The following DOCK5 variants were observed in gnomAD, a reference collection of about 807,000 sequenced individuals.
The protein encoded by DOCK5 is dedicator of cytokinesis protein 5.
In DOCK5, 142 loss-of-function variants were observed where a neutral mutation model predicts 251.8. The ratio of observed to expected loss-of-function variants is 0.56; its 90% CI spans 0.49 to 0.65. The LOEUF (loss-of-function observed/expected upper bound fraction) is 0.65. Among genes scored for constraint, DOCK5 ranks in the 30% least tolerant of loss-of-function variants. The pLI, the probability that DOCK5 is intolerant of heterozygous loss-of-function variation, is 0.00. For synonymous variants in DOCK5, 842 were observed against 835.5 expected, an observed-to-expected ratio of 1.01 and a Z score of -0.13; for missense variants, 2,111 against 2,312.3, an observed-to-expected ratio of 0.91 and a Z score of 1.79.
chr8:25,325,281 G>A (rs1805535000), intron 17 of DOCK5, 83 bp from the exon 18 acceptor site: 8 of 1,444,586 alleles, frequency 5.5e-6, no homozygotes, highest in African/African-American at 1.4e-5. Context: ...TTCTCATGCT[G>A]AAAATGCATG....
intron 40 of DOCK5, 46 bp from the exon 41 acceptor site, chr8:25,389,045 C>A (rs766605304): frequency 1.3e-6 from 2 of 1,594,992 alleles, no homozygotes; most frequent in Admixed American, 3.4e-5. Context: ...AGTTGCCTCT[C>A]CACTCTTCCT....
intron 1 of DOCK5, among the ~76,000 whole-genome samples, chr8:25,190,126 A>G (rs574337396): frequency 6.6e-6 from 1 of 151,834 alleles, no homozygotes; most frequent in East Asian, 2.0e-4. Context: ...ACTTCATGTG[A>G]TGTGCCCGCC....
intron 20 of DOCK5, among the ~76,000 whole-genome samples, 166 bp downstream of exon 20, chr8:25,332,858 T>G (rs1805714163): frequency 6.6e-6 from 1 of 152,258 alleles, no homozygotes; most frequent in South Asian, 2.1e-4. Flanking sequence ...TAGAAACAAA[T>G]GACTTATATT....
At chr8:25,388,326 A>G (rs746249726) in intron 40 of DOCK5, among the ~76,000 whole-genome samples, 1 of 152,158 alleles carries the variant, frequency 6.6e-6, no homozygotes, top group Non-Finnish European at 1.5e-5. Flanking sequence ...AAAAGGAATC[A>G]TGTGTGGGCT....
intron 43 of DOCK5, among the ~76,000 whole-genome samples, chr8:25,392,321 A>G (rs900893935): frequency 2.0e-4 from 28 of 139,940 alleles, no homozygotes; most frequent in African/African-American, 7.0e-4. Context: ...AAAAAAAAAA[A>G]GGTAAAATTG....
intron 1 of DOCK5, among the ~76,000 whole-genome samples, chr8:25,207,715 C>T (rs970961966): frequency 5.9e-4 from 90 of 152,298 alleles, no homozygotes; most frequent in African/African-American, 2.0e-3. Flanking sequence ...GACAATGCAC[C>T]AGGTCACCCA....
chr8:25,361,421 C>G (rs1037170344), intron 28 of DOCK5, among the ~76,000 whole-genome samples: 1 of 151,986 alleles, frequency 6.6e-6, no homozygotes, highest in Non-Finnish European at 1.5e-5. Flanking sequence ...ACCAGCCTAG[C>G]CCACGTGATG....
chr8:25,340,875 A>G lies in DOCK5; in HGVS notation c.2328-2A>G. On this transcript the variant is annotated splice_acceptor_variant, in intron 22 of 51. Coordinates refer to ENST00000276440, the MANE Select transcript of DOCK5 (RefSeq NM_024940.8). LOFTEE classifies it high-confidence loss of function. ...AACTGCTTTTGTCTTTTTCCTATTA[A>G]GATTTTATGGGCAGAGCAAAGATGG... 1.2e-6 allele frequency: 2 copies of G among 1,612,142 alleles called. No individual in the cohort carries two copies. The highest frequency in any genetic ancestry group is 1.7e-6 in the Non-Finnish European group (2 of 1,179,128).
intron 2 of DOCK5, among the ~76,000 whole-genome samples, chr8:25,251,662 T>C (rs984598891): frequency 6.6e-6 from 1 of 152,208 alleles, no homozygotes; most frequent in Non-Finnish European, 1.5e-5. Context: ...TTTGTCTGCA[T>C]GTTTGCCAAA....
At chr8:25,410,375 A>G (rs187763088) in intron 51 of DOCK5, among the ~76,000 whole-genome samples, 173 bp downstream of exon 51, 10 of 152,054 alleles carry the variant, frequency 6.6e-5, no homozygotes, top group Admixed American at 6.6e-4. Flanking sequence ...TGGGAAGGAC[A>G]GACATGCAAG....
intron 1 of DOCK5, among the ~76,000 whole-genome samples, chr8:25,203,240 T>C (rs749637888): frequency 2.0e-5 from 3 of 152,210 alleles, no homozygotes; most frequent in Non-Finnish European, 4.4e-5. Flanking sequence ...TGATGTCTTC[T>C]TGAATTAAAG....
At chr8:25,319,957 CTG>C (rs1563200819) in intron 15 of DOCK5, among the ~76,000 whole-genome samples, 1 of 152,210 alleles carries the variant, frequency 6.6e-6, no homozygotes, top group Admixed American at 6.5e-5. Flanking sequence ...AATTTTCACA[CTG>C]TGCAAACAGT....
intron 45 of DOCK5, among the ~76,000 whole-genome samples, chr8:25,399,522 T>C (rs1238832307): frequency 6.6e-6 from 1 of 152,258 alleles, no homozygotes; most frequent in Non-Finnish European, 1.5e-5. Context: ...AACTTTTTGC[T>C]CTTTCCCTTA....
chr8:25,336,360 G>A lies in DOCK5; in HGVS notation c.2314G>A (p.Val772Met), dbSNP rs775072373. 6.2e-7 allele frequency: 1 copy of A among 1,613,824 alleles called. No homozygotes were observed. The highest frequency in any genetic ancestry group is 1.1e-5 in the South Asian group (1 of 91,066). Residue 772 changes from valine to methionine, a missense_variant, in exon 22 of 52, where the codon GTG (valine) becomes ATG (methionine). Physicochemically the swap from Val to Met is conservative, Grantham distance 21 (BLOSUM62 1). This residue lies in a region of DOCK5 where 1,717 missense variants were observed against 1,892.4 expected (regional missense o/e 0.91). Transcript: ENST00000276440. ...GTTTAGATTCATCATCCAATCCCGA[G>A]TGCTCTACTTGAGGTAATGTTAACT... ...YLFRFIIQSR[V>M]LYLRFYGQSK...
intron 1 of DOCK5, among the ~76,000 whole-genome samples, chr8:25,204,903 G>T (rs552829051): frequency 1.3e-5 from 2 of 152,126 alleles, no homozygotes; most frequent in Admixed American, 1.3e-4. Flanking sequence ...ACTGAATTAT[G>T]TCCCTCACAA....
intron 37 of DOCK5, chr8:25,375,668 T>C (rs1302464795): frequency 2.0e-6 from 2 of 981,030 alleles, no homozygotes; most frequent in African/African-American, 3.5e-5. Flanking sequence ...TTAATATTCT[T>C]TTACAGTTTA....
At chr8:25,352,809 G>A (rs1800493889) in intron 27 of DOCK5, among the ~76,000 whole-genome samples, 1 of 152,118 alleles carries the variant, frequency 6.6e-6, no homozygotes, top group Non-Finnish European at 1.5e-5. Flanking sequence ...CATAGTGTTA[G>A]GAGGCAACAG....
intron 47 of DOCK5, 40 bp from the exon 48 acceptor site, chr8:25,403,518 A>T (rs1233806474): frequency 5.6e-6 from 9 of 1,605,278 alleles, no homozygotes; most frequent in Admixed American, 3.4e-5. Context: ...TAGGGGCTGG[A>T]TTCCAGGTCC....
intron 16 of DOCK5, 76 bp from the exon 17 acceptor site, chr8:25,323,772 A>T: frequency 6.6e-7 from 1 of 1,516,780 alleles, no homozygotes; most frequent in East Asian, 2.4e-5. Flanking sequence ...CCCCGAGCAA[A>T]ATGTGAAATC....
Sources: gnomAD v4.1 joint callset for allele counts (sites outside exome capture counted in the v4.1 genomes callset) on GRCh38, gnomAD v4.1.1 for gene constraint, gnomAD v4.1.1 regional missense constraint, MANE v1.5 for transcripts, NCBI Gene and HGNC (gene_info 2026-07-23, HGNC 2026-07-21) for gene names.